The following VTI1A variants were observed in gnomAD, a reference collection of about 807,000 sequenced individuals.
VTI1A encodes vesicle transport through interaction with t-SNAREs 1A.
Under a neutral mutation model 34.9 loss-of-function variants are expected in VTI1A, and 22 were observed. That is an observed-to-expected ratio of 0.63 (90% CI 0.45 to 0.90). The LOEUF (loss-of-function observed/expected upper bound fraction) is 0.90, where lower values mean the gene tolerates loss of function less well. Among genes scored for constraint, VTI1A ranks in the 40% least tolerant of loss-of-function variants. The pLI, the probability that VTI1A is intolerant of heterozygous loss-of-function variation, is 0.00. For synonymous variants in VTI1A, 87 were observed against 97.3 expected (o/e 0.89, Z 0.62); for missense variants, 268 against 275.6 (o/e 0.97, Z 0.20).
In VTI1A at chr10:112,619,261, G is replaced by A. The variant is rs543884299; in HGVS notation, c.428-48957G>A. Among the ~76,000 whole-genome samples the A allele has an allele frequency of 2.0e-5, 3 of 152,246 alleles. No individual in the cohort carries two copies. The East Asian group carries it at 5.8e-4, about 29-fold the overall frequency. ...AGTTATTTGGGAGAAACAGTGGAAAGGGGGCTTAATGGGAATAAAAATGTG... is the reference window on the plus strand; with the variant it reads ...AGTTATTTGGGAGAAACAGTGGAAAAGGGGCTTAATGGGAATAAAAATGTG... On this transcript the variant is annotated intron_variant, in intron 5 of 7. Coordinates refer to ENST00000393077, the MANE Select transcript of VTI1A (RefSeq NM_145206.4).
the VTI1A span, among the ~76,000 whole-genome samples, chr10:112,838,711 C>G: frequency 2.6e-5 from 4 of 152,330 alleles, no homozygotes; most frequent in East Asian, 1.9e-4. Flanking sequence ...AGAGAAGGAG[C>G]AGGCCTCGGT....
intron 5 of VTI1A, among the ~76,000 whole-genome samples, chr10:112,631,094 A>G (rs1236623034): frequency 6.6e-6 from 1 of 151,756 alleles, no homozygotes; most frequent in Non-Finnish European, 1.5e-5. Context: ...GCGCCATTGC[A>G]CTCCAGCCTG....
At chr10:112,562,892 C>T (rs551536426) in intron 5 of VTI1A, among the ~76,000 whole-genome samples, 12 of 152,244 alleles carry the variant, frequency 7.9e-5, no homozygotes, top group African/African-American at 2.4e-4. Flanking sequence ...CCGATCCTAT[C>T]GGAAAACAGA....
At chr10:112,472,113 G>A (rs1006119153) in intron 3 of VTI1A, among the ~76,000 whole-genome samples, 1 of 152,184 alleles carries the variant, frequency 6.6e-6, no homozygotes, top group Non-Finnish European at 1.5e-5. Flanking sequence ...TTGTAACAAA[G>A]CTGAACTTCC....
chr10:112,768,918 G>C (rs2134018669), intron 7 of VTI1A, among the ~76,000 whole-genome samples: 1 of 152,228 alleles, frequency 6.6e-6, no homozygotes, highest in Non-Finnish European at 1.5e-5. Context: ...ATAATAATTA[G>C]TAAATTTACA....
chr10:112,669,066 T>C lies in VTI1A; in HGVS notation c.560+68T>C, dbSNP rs1047588246. On this transcript the variant is annotated intron_variant, in intron 7 of 7. Coordinates refer to ENST00000393077, the MANE Select transcript of VTI1A (RefSeq NM_145206.4). ...TTTAAAATACTATGTTTTCATTCAA[T>C]TGCAATGGGGCATATTACATGCTTT... 8.9e-6 allele frequency: 14 copies of C among 1,565,616 alleles called. No individual in the cohort carries two copies. The Admixed American group carries it at 1.5e-4, about 17-fold the overall frequency.
At chr10:112,634,714 G>A (rs1455032172) in intron 5 of VTI1A, among the ~76,000 whole-genome samples, 1 of 151,814 alleles carries the variant, frequency 6.6e-6, no homozygotes, top group Non-Finnish European at 1.5e-5. Context: ...AATCTTCTAC[G>A]TAATTATCTT....
intron 7 of VTI1A, among the ~76,000 whole-genome samples, chr10:112,732,391 A>G (rs1850298095): frequency 6.6e-6 from 1 of 152,126 alleles, no homozygotes; most frequent in Non-Finnish European, 1.5e-5. Context: ...AGCACTCCTG[A>G]ATAGTCCCAG....
At position 112,684,085 on chromosome 10, in the gene VTI1A, G is replaced by A. The variant is rs569329216; in HGVS notation, c.560+15087G>A. Among the ~76,000 whole-genome samples the A allele has an allele frequency of 1.1e-4, 16 of 151,194 alleles. No individual in the cohort carries two copies. In the East Asian group the frequency reaches 1.7e-3, roughly 16 times the overall value. On this transcript the variant is annotated intron_variant, in intron 7 of 7. Coordinates refer to ENST00000393077, the MANE Select transcript of VTI1A (RefSeq NM_145206.4). Reference sequence around the variant, plus strand: ...CTCTTATTTTGTAAGGGTAAAAAACGTTATCAAGAAACAGGGAGAAAATTA... The same window carrying A: ...CTCTTATTTTGTAAGGGTAAAAAACATTATCAAGAAACAGGGAGAAAATTA...
intron 7 of VTI1A, among the ~76,000 whole-genome samples, chr10:112,787,433 G>A (rs1210765052): frequency 1.3e-5 from 2 of 151,938 alleles, no homozygotes; most frequent in Non-Finnish European, 2.9e-5. Flanking sequence ...TATTGCTTGT[G>A]TTGGGCTTAA....
the VTI1A span, among the ~76,000 whole-genome samples, chr10:112,850,033 A>C: frequency 6.6e-6 from 1 of 152,220 alleles, no homozygotes; most frequent in Non-Finnish European, 1.5e-5. Context: ...AAGGAGTGGG[A>C]TTAAGATCAC....
intron 4 of VTI1A, among the ~76,000 whole-genome samples, chr10:112,532,568 G>A (rs192003624): frequency 7.7e-4 from 117 of 151,964 alleles, no homozygotes; most frequent in Admixed American, 2.1e-3. Context: ...CCAGATATAT[G>A]GTTATATATT....
chr10:112,478,166 A>T (rs770045118), intron 3 of VTI1A, among the ~76,000 whole-genome samples: 4 of 152,168 alleles, frequency 2.6e-5, no homozygotes, highest in Non-Finnish European at 5.9e-5. Context: ...TGAATCCTAT[A>T]CTTTTCTAAT....
chr10:112,844,666 T>C, the VTI1A span, among the ~76,000 whole-genome samples: 1 of 152,222 alleles, frequency 6.6e-6, no homozygotes, highest in African/African-American at 2.4e-5. Flanking sequence ...CCCAAAGTGC[T>C]AGGATTACAG....
intron 3 of VTI1A, among the ~76,000 whole-genome samples, chr10:112,511,154 A>ACTCTCTAC: frequency 6.6e-6 from 1 of 151,280 alleles, no homozygotes; most frequent in African/African-American, 2.4e-5. Flanking sequence ...AAGAACATAC[A>ACTCTCTAC]CTCTCTACCG....
At chr10:112,776,017 G>A (rs578260655) in intron 7 of VTI1A, among the ~76,000 whole-genome samples, 28 of 147,378 alleles carry the variant, frequency 1.9e-4, no homozygotes, top group African/African-American at 7.3e-4. Flanking sequence ...TTTTCTTGCC[G>A]TTTCTGGCAA....
At chr10:112,588,404 A>C (rs1162985677) in intron 5 of VTI1A, among the ~76,000 whole-genome samples, 1 of 152,252 alleles carries the variant, frequency 6.6e-6, no homozygotes, top group Non-Finnish European at 1.5e-5. Context: ...ATTTCAGAGT[A>C]TCACTTCACA....
chr10:112,585,703 T>TCGCCGC (rs1844124983), intron 5 of VTI1A, among the ~76,000 whole-genome samples: 1 of 137,018 alleles, frequency 7.3e-6, no homozygotes, highest in Non-Finnish European at 1.5e-5. Context: ...ACATACACCC[T>TCGCCGC]CGCCGCCTCT....
At position 112,675,604 on chromosome 10, in the gene VTI1A, A is replaced by G. The variant is rs1385420248; in HGVS notation, c.560+6606A>G. Among the ~76,000 whole-genome samples the G allele has an allele frequency of 2.0e-5, 3 of 152,228 alleles. No individual in the cohort carries two copies. In the East Asian group the frequency reaches 5.8e-4, roughly 29 times the overall value. On this transcript the variant is annotated intron_variant, in intron 7 of 7. Transcript: ENST00000393077. The stretch of plus-strand genomic sequence containing the variant: ...AAGCATAGACTGTGTGGCATTAACC[A>G]GAACCGAGAAATAACAACACCGTGC...
Sources: gnomAD v4.1 joint callset for allele counts (sites outside exome capture counted in the v4.1 genomes callset) on GRCh38, gnomAD v4.1.1 for gene constraint, MANE v1.5 for transcripts, NCBI Gene and HGNC (gene_info 2026-07-23, HGNC 2026-07-21) for gene names.